PLCG1: variants seen among roughly 807,000 people sequenced by gnomAD.
The protein encoded by PLCG1 is phospholipase C gamma 1, also known as 1-phosphatidylinositol 4,5-bisphosphate phosphodiesterase gamma-1.
In PLCG1, 71 loss-of-function variants were observed where a neutral mutation model predicts 177.8. That is an observed-to-expected ratio of 0.40 (90% CI 0.33 to 0.49). The LOEUF (loss-of-function observed/expected upper bound fraction) is 0.49. PLCG1 is among the 20% of genes least tolerant of loss of function. The probability of loss-of-function intolerance (pLI) is 0.72; values close to 1 mark genes in which losing one functional copy is unlikely to be tolerated. For missense variants in PLCG1, 1,281 were observed against 1,709.0 expected (o/e 0.75, Z 4.42); for synonymous variants, 658 against 647.9 (o/e 1.02, Z -0.24).
intron 1 of PLCG1, 177 bp downstream of exon 1, chr20:41,138,035 A>T: frequency 5.0e-6 from 2 of 402,774 alleles, no homozygotes; most frequent in Non-Finnish European, 8.6e-6. Flanking sequence ...GGCGGGGGGC[A>T]TCCGGGTCCT....
In PLCG1 at chr20:41,156,887, C is replaced by T. The variant is rs370076531; in HGVS notation, c.218-2719C>T. ...GAGTCTCCTTGTGAATTTCTGGGGA[C>T]CAGCTCTGGCTCTCTCAAGAAAGAG... On this transcript the variant is annotated intron_variant, in intron 1 of 31. Transcript: ENST00000685551. This position sits in a 1 kb window ranked among gnomAD's most constrained non-coding sequence, Gnocchi z 5.0. Among the ~76,000 whole-genome samples the T allele has an allele frequency of 1.3e-5, 2 of 152,224 alleles. No homozygotes were observed. The highest frequency in any genetic ancestry group is 1.3e-4 in the Admixed American group (2 of 15,286).
chr20:41,170,066 G>A (rs375698602), intron 23 of PLCG1, 46 bp from the exon 24 acceptor site: 5 of 1,547,068 alleles, frequency 3.2e-6, no homozygotes, highest in African/African-American at 1.4e-5. Flanking sequence ...GGGGTGGAGG[G>A]GGTGAGATGT....
Position 41,153,622 on chromosome 20 carries a change from C to T in PLCG1, c.218-5984C>T, listed in dbSNP as rs1249864842. On this transcript the variant is annotated intron_variant, in intron 1 of 31. Coordinates refer to ENST00000685551, the MANE Select transcript of PLCG1 (RefSeq NM_002660.3). The surrounding 1 kb of genome is among the most constrained non-coding windows in gnomAD (Gnocchi z 5.1). ...CTGAAGAGAAATATTTCAGACAGGG[C>T]ATGGTTGCTCATGCTTCTAATCCCA... 6.6e-6 allele frequency among the ~76,000 whole-genome samples: 1 copy of T among 152,188 alleles called. No homozygotes were observed.
Position 41,149,574 on chromosome 20 carries a change from A to C in PLCG1, c.218-10032A>C, listed in dbSNP as rs562273050. Reference sequence around the variant, plus strand: ...TTTTGAGATGAAGAGTGGGGATAGCAAGTAGGCAGCTGAATTGAAGGATCT... The same window carrying C: ...TTTTGAGATGAAGAGTGGGGATAGCCAGTAGGCAGCTGAATTGAAGGATCT... On this transcript the variant is annotated intron_variant, in intron 1 of 31. Transcript: ENST00000685551. Among the ~76,000 whole-genome samples, 7 of 152,338 alleles carry C rather than the reference A, an allele frequency of 4.6e-5. No individual in the cohort carries two copies. The South Asian group carries it at 1.5e-3, about 32-fold the overall frequency.
intron 1 of PLCG1, among the ~76,000 whole-genome samples, chr20:41,142,490 G>A (rs185328590): frequency 5.3e-5 from 8 of 152,206 alleles, no homozygotes; most frequent in Non-Finnish European, 1.0e-4. Flanking sequence ...GAGCTCCTAC[G>A]GTTTGCACAG....
At position 41,167,002 on chromosome 20, in the gene PLCG1, AGT is replaced by A; in HGVS notation, c.2301+147_2301+148del. 1.5e-5 allele frequency: 11 copies of A among 732,898 alleles called. No homozygotes were observed. Among genetic ancestry groups the A allele is most frequent in the East Asian group, 5.1e-5 (2 of 39,012 alleles). 45.4% of individuals were successfully genotyped at this position (732,898 alleles called of 1,614,324 possible). On this transcript the variant is annotated intron_variant, in intron 19 of 31. Coordinates refer to ENST00000685551, the MANE Select transcript of PLCG1 (RefSeq NM_002660.3). The surrounding 1 kb of genome is among the most constrained non-coding windows in gnomAD (Gnocchi z 4.4). ...GCCCCTGACTCCAGCTGGGAGCCAC[AGT>A]GTGGGTACCAGGAGGGTGTCTGCAG... is the stretch of plus-strand genomic sequence containing the variant.
intron 24 of PLCG1, 130 bp downstream of exon 24, chr20:41,170,399 C>A: frequency 1.2e-6 from 1 of 847,278 alleles, no homozygotes; most frequent in Non-Finnish European, 1.8e-6. Flanking sequence ...AGGCCACAGC[C>A]CCTGCCTTAG....
At position 41,173,303 on chromosome 20, in the gene PLCG1, C is replaced by T. The variant is rs907760067; in HGVS notation, c.3280-117C>T. The T allele has an allele frequency of 6.4e-5, 68 of 1,069,210 alleles. No homozygotes were observed. The highest frequency in any genetic ancestry group is 8.5e-5 in the Non-Finnish European group (64 of 752,518). 66.2% of individuals were successfully genotyped at this position (1,069,210 alleles called of 1,614,324 possible). On this transcript the variant is annotated intron_variant, in intron 27 of 31. Transcript: ENST00000685551. This position sits in a 1 kb window ranked among gnomAD's most constrained non-coding sequence, Gnocchi z 6.2. ...GTGAGGGACTCCATGGGCAGTGTCC[C>T]GGGGGCCCAGCAGAGGGCGCGCTGC...
Position 41,167,633 on chromosome 20 carries a change from T to A in PLCG1, c.2302-219T>A. ...TAGGACCTGAGAGATTTTAGAATCC[T>A]GGGCTGGGCCTTACATGTAAGAATG... On this transcript the variant is annotated intron_variant, in intron 19 of 31. Transcript: ENST00000685551. This position sits in a 1 kb window ranked among gnomAD's most constrained non-coding sequence, Gnocchi z 4.4. 1 of 567,904 alleles carries A rather than the reference T, an allele frequency of 1.8e-6. No individual in the cohort carries two copies. The highest frequency in any genetic ancestry group is 3.1e-6 in the Non-Finnish European group (1 of 318,258). 35.2% of individuals were successfully genotyped at this position (567,904 alleles called of 1,614,324 possible). A position where few individuals can be genotyped will look rare whatever the true frequency, so the allele number is the denominator to read the frequency against.
chr20:41,160,221 C>CT lies in PLCG1; in HGVS notation c.512+69dup, dbSNP rs574054837. On this transcript the variant is annotated intron_variant, in intron 4 of 31. Coordinates refer to ENST00000685551, the MANE Select transcript of PLCG1 (RefSeq NM_002660.3). This position sits in a 1 kb window ranked among gnomAD's most constrained non-coding sequence, Gnocchi z 5.5. ...GGCATCCAGAACCTTAGCCAGGCCTCTAAGTAGCTGCCCGGAGAGCCAGAG... is the reference window on the plus strand; with the variant it reads ...GGCATCCAGAACCTTAGCCAGGCCTCTTAAGTAGCTGCCCGGAGAGCCAGAG... The CT allele has an allele frequency of 2.0e-4, 289 of 1,427,182 alleles. 2 individuals are homozygous for CT. The East Asian group carries it at 6.0e-3, about 30-fold the overall frequency. 88.4% of individuals were successfully genotyped at this position (1,427,182 alleles called of 1,614,324 possible).
rs2035011261 is a variant in PLCG1, at chr20:41,146,902, G to T, written c.217+9044G>T. ...TCACAGGGTGACTAACCCTAGGAAG[G>T]AGTGAAGGAGAGCTCCAGTTGGCCA... is the stretch of plus-strand genomic sequence containing the variant. On this transcript the variant is annotated intron_variant, in intron 1 of 31. Transcript: ENST00000685551. The surrounding 1 kb of genome is among the most constrained non-coding windows in gnomAD (Gnocchi z 6.3). Among the ~76,000 whole-genome samples, 1 of 152,152 alleles carries T rather than the reference G, an allele frequency of 6.6e-6. No individual in the cohort carries two copies. The highest frequency in any genetic ancestry group is 2.4e-5 in the African/African-American group (1 of 41,422).
In PLCG1 at chr20:41,150,233, G is replaced by A. The variant is rs891040390; in HGVS notation, c.218-9373G>A. On this transcript the variant is annotated intron_variant, in intron 1 of 31. Coordinates refer to ENST00000685551, the MANE Select transcript of PLCG1 (RefSeq NM_002660.3). The surrounding 1 kb of genome is among the most constrained non-coding windows in gnomAD (Gnocchi z 4.0). Reference sequence around the variant, plus strand: ...TGTAATCCCAGCACTTTGGGAGGCCGAAGTGAGAGGATCACTTGAGGCCAG... The same window carrying A: ...TGTAATCCCAGCACTTTGGGAGGCCAAAGTGAGAGGATCACTTGAGGCCAG... 3.3e-5 allele frequency among the ~76,000 whole-genome samples: 5 copies of A among 152,156 alleles called. No homozygotes were observed. The highest frequency in any genetic ancestry group is 1.3e-4 in the Admixed American group (2 of 15,282).
intron 1 of PLCG1, among the ~76,000 whole-genome samples, chr20:41,154,158 C>G (rs2035248828): frequency 6.6e-6 from 1 of 152,192 alleles, no homozygotes; most frequent in South Asian, 2.1e-4. Flanking sequence ...GCCTCCTGCC[C>G]ACCTTGCCAG....
rs1047651360 is a variant in PLCG1, at chr20:41,147,166, A to C, written c.217+9308A>C. On this transcript the variant is annotated intron_variant, in intron 1 of 31. Coordinates refer to ENST00000685551, the MANE Select transcript of PLCG1 (RefSeq NM_002660.3). This position sits in a 1 kb window ranked among gnomAD's most constrained non-coding sequence, Gnocchi z 4.0. ...TCCACCTTCAACAGTAATTGAGTAT[A>C]ATGTGCCTGTGTTAGCTTGTCCATC... Among the ~76,000 whole-genome samples the C allele has an allele frequency of 2.6e-5, 4 of 152,192 alleles. No homozygotes were observed. Among genetic ancestry groups the C allele is most frequent in the African/African-American group, 9.7e-5 (4 of 41,434 alleles).
Position 41,166,272 on chromosome 20 carries a change from C to T in PLCG1, c.1878C>T (p.Asn626=), listed in dbSNP as rs1415111367. The T allele has an allele frequency of 1.2e-6, 2 of 1,614,070 alleles. No homozygotes were observed. Among genetic ancestry groups the T allele is most frequent in the African/African-American group, 2.7e-5 (2 of 74,948 alleles). ...AGTPKFFLTD[N]LVFDSLYDLI... is the part of the protein sequence containing the mutation. Reference sequence around the variant, plus strand: ...CCCCCAAGTTCTTCTTGACAGACAACCTCGTCTTTGACTCCCTCTATGACC... The same window carrying T: ...CCCCCAAGTTCTTCTTGACAGACAATCTCGTCTTTGACTCCCTCTATGACC... The change falls in exon 17 of 32, where the codon AAC becomes AAT. Residue 626 remains asparagine (N), a synonymous_variant. Transcript: ENST00000685551. This position sits in a 1 kb window ranked among gnomAD's most constrained non-coding sequence, Gnocchi z 8.6.
chr20:41,144,599 G>A lies in PLCG1; in HGVS notation c.217+6741G>A, dbSNP rs34830405. Reference sequence around the variant, plus strand: ...CTTTCTGGTTTGTGGTGACACTTCCGCCTAAGCTTCTACAGAACATGGGAA... The same window carrying A: ...CTTTCTGGTTTGTGGTGACACTTCCACCTAAGCTTCTACAGAACATGGGAA... On this transcript the variant is annotated intron_variant, in intron 1 of 31. Coordinates refer to ENST00000685551, the MANE Select transcript of PLCG1 (RefSeq NM_002660.3). This position sits in a 1 kb window ranked among gnomAD's most constrained non-coding sequence, Gnocchi z 4.1. Among the ~76,000 whole-genome samples the A allele has an allele frequency of 0.068, 10,312 of 152,200 alleles. 372 individuals are homozygous for A. Among genetic ancestry groups the A allele is most frequent in the Middle Eastern group, 0.17 (50 of 294 alleles).
Position 41,175,908 on chromosome 20 carries a change from C to T in PLCG1, c.*1399C>T, listed in dbSNP as rs985823731. On this transcript the variant is annotated 3_prime_UTR_variant, in exon 32 of 32. Coordinates refer to ENST00000685551, the MANE Select transcript of PLCG1 (RefSeq NM_002660.3). ...AACAGGAGTTGTGGGTCCACTCTCT[C>T]CTGCCCACCCTCTGAGGGTGTGTCT... The T allele has an allele frequency of 6.6e-6, 1 of 152,362 alleles. No homozygotes were observed. Among genetic ancestry groups the T allele is most frequent in the African/African-American group, 2.4e-5 (1 of 41,446 alleles). 9.4% of individuals were successfully genotyped at this position (152,362 alleles called of 1,614,324 possible).
Position 41,162,998 on chromosome 20 carries a change from G to C in PLCG1, c.716+6G>C. ...TTGGAAGCCAGTACTCTGAGGTTTG[G>C]TTTGGAGTGGGGAGGTGGGGTTTTC... On this transcript the variant is annotated splice_donor_region_variant and intron_variant, in intron 7 of 31. Coordinates refer to ENST00000685551, the MANE Select transcript of PLCG1 (RefSeq NM_002660.3). The C allele has an allele frequency of 6.2e-7, 1 of 1,613,838 alleles. No homozygotes were observed. Among genetic ancestry groups the C allele is most frequent in the Non-Finnish European group, 8.5e-7 (1 of 1,179,742 alleles).
At chr20:41,162,229 GTTTTTGTTTTTT>G (rs1456297957) in intron 4 of PLCG1, 7 of 276,998 alleles carry the variant, frequency 2.5e-5, no homozygotes, top group African/African-American at 6.1e-5. Flanking sequence ...TGTTTGTTTT[GTTTTTGTTTTTT>G]TTTTTTTTTT....
Sources: gnomAD v4.1 joint callset for allele counts (sites outside exome capture counted in the v4.1 genomes callset) on GRCh38, gnomAD v4.1.1 for gene constraint, Gnocchi (gnomAD v3.1) non-coding constraint, MANE v1.5 for transcripts, NCBI Gene and HGNC (gene_info 2026-07-23, HGNC 2026-07-21) for gene names.